Variants in TAFA5 observed in about 807,000 individuals in gnomAD.
TAFA5 encodes chemokine-like protein TAFA-5.
In TAFA5, 6 loss-of-function variants were observed where a neutral mutation model predicts 15.3. That is an observed-to-expected ratio of 0.39 (90% CI 0.21 to 0.77). The LOEUF is 0.77. Among genes scored for constraint, TAFA5 ranks in the 30% least tolerant of loss-of-function variants. TAFA5 has a pLI of 0.41. For missense variants in TAFA5, 161 were observed against 193.1 expected, an observed-to-expected ratio of 0.83 and a Z score of 0.98; for synonymous variants, 103 against 80.7, an observed-to-expected ratio of 1.28 and a Z score of -1.48.
At chr22:48,659,733 C>T (rs1003889255) in intron 2 of TAFA5, among the ~76,000 whole-genome samples, 26 of 134,686 alleles carry the variant, frequency 1.9e-4, no homozygotes, top group Middle Eastern at 3.7e-3. Context: ...GCCTCCGTCC[C>T]TGGCCTTTTT....
At chr22:48,605,142 T>C in intron 1 of TAFA5, among the ~76,000 whole-genome samples, 2 of 149,262 alleles carry the variant, frequency 1.3e-5, no homozygotes, top group African/African-American at 2.5e-5. Context: ...ATGGTGATGG[T>C]GATGATGGTT....
At chr22:48,614,564 C>A (rs1051470197) in intron 1 of TAFA5, among the ~76,000 whole-genome samples, 1 of 152,204 alleles carries the variant, frequency 6.6e-6, no homozygotes, top group African/African-American at 2.4e-5. Context: ...CCCAGGGCTC[C>A]TTGCCTCGTG....
intron 2 of TAFA5, among the ~76,000 whole-genome samples, chr22:48,684,608 C>T (rs903754285): frequency 6.6e-6 from 1 of 152,160 alleles, no homozygotes; most frequent in African/African-American, 2.4e-5. Context: ...GCACCTTGGC[C>T]CCTTTCAGAT....
At chr22:48,640,629 C>T (rs1287153619) in intron 1 of TAFA5, among the ~76,000 whole-genome samples, 1 of 152,104 alleles carries the variant, frequency 6.6e-6, no homozygotes. Context: ...GGCGGGGGCT[C>T]CTAAGTGTGC....
chr22:48,711,442 G>C (rs952948810), intron 3 of TAFA5, among the ~76,000 whole-genome samples: 2 of 152,042 alleles, frequency 1.3e-5, no homozygotes, highest in Admixed American at 1.3e-4. Flanking sequence ...CAGGTATCTC[G>C]GGAGAAGTCT....
chr22:48,644,768 C>A (rs545195240), intron 1 of TAFA5, among the ~76,000 whole-genome samples: 5 of 152,302 alleles, frequency 3.3e-5, no homozygotes, highest in African/African-American at 9.6e-5. Flanking sequence ...GCTGTAGAAA[C>A]GGCTGCTGGA....
chr22:48,591,254 G>T (rs1601600465), intron 1 of TAFA5, among the ~76,000 whole-genome samples: 1 of 152,256 alleles, frequency 6.6e-6, no homozygotes, highest in Non-Finnish European at 1.5e-5. Context: ...TCTGGGATGG[G>T]CTGTGAGCCA....
chr22:48,744,762 T>C (rs1221809374), intron 3 of TAFA5, among the ~76,000 whole-genome samples: 2 of 152,152 alleles, frequency 1.3e-5, no homozygotes, highest in African/African-American at 2.4e-5. Context: ...TTTTTTCTTT[T>C]CTTTATTTTT....
intron 1 of TAFA5, among the ~76,000 whole-genome samples, chr22:48,579,713 C>G (rs1056986037): frequency 2.7e-4 from 41 of 152,236 alleles, no homozygotes; most frequent in African/African-American, 9.2e-4. Flanking sequence ...CACTCCAGCA[C>G]AGATGAGCAG....
chr22:48,610,849 CTG>C, intron 1 of TAFA5, among the ~76,000 whole-genome samples: 1 of 152,322 alleles, frequency 6.6e-6, no homozygotes, highest in Admixed American at 6.5e-5. Flanking sequence ...CCCTCCCAGA[CTG>C]TGGTGGGACA....
chr22:48,738,921 C>T (rs573705789), intron 3 of TAFA5, among the ~76,000 whole-genome samples: 54 of 152,312 alleles, frequency 3.5e-4, no homozygotes, highest in African/African-American at 1.3e-3. Flanking sequence ...GCATTGTCAC[C>T]GGCTCCTCCT....
At chr22:48,695,500 G>A (rs553993037) in intron 2 of TAFA5, among the ~76,000 whole-genome samples, 2 of 152,336 alleles carry the variant, frequency 1.3e-5, no homozygotes, top group Admixed American at 6.5e-5. Flanking sequence ...TGCCGTTCAT[G>A]AGCACCTCGG....
intron 1 of TAFA5, among the ~76,000 whole-genome samples, chr22:48,624,547 C>T (rs4925426): frequency 0.57 from 86,262 of 151,988 alleles, 25,302 homozygotes; most frequent in East Asian, 0.87. Flanking sequence ...CTGATAGATG[C>T]GTTTGTCCTT....
chr22:48,646,836 G>A (rs1350990149), intron 2 of TAFA5, 90 bp downstream of exon 2: 4 of 1,449,080 alleles, frequency 2.8e-6, no homozygotes, highest in South Asian at 2.7e-5. Context: ...TTACCTGAAG[G>A]TCCCCCTAGG....
In TAFA5 at chr22:48,673,756, G is replaced by T. The variant is rs76692798; in HGVS notation, c.262+27010G>T. 1.0e-2 allele frequency among the ~76,000 whole-genome samples: 1,517 copies of T among 152,318 alleles called. 28 individuals are homozygous for T. The highest frequency in any genetic ancestry group is 0.035 in the African/African-American group (1,450 of 41,566). The stretch of plus-strand genomic sequence containing the variant: ...TGGAAGGTGAAGGTGCATGGGGCCA[G>T]GTTATTTTTGGCTCTGATGTCCACT... On this transcript the variant is annotated intron_variant, in intron 2 of 3. Transcript: ENST00000402357.
chr22:48,577,356 C>T (rs1341323292), intron 1 of TAFA5, among the ~76,000 whole-genome samples: 1 of 152,180 alleles, frequency 6.6e-6, no homozygotes, highest in Non-Finnish European at 1.5e-5. Flanking sequence ...GGTTTCAGGG[C>T]CAGGCTCCCT....
chr22:48,697,951 G>T (rs111174476), intron 2 of TAFA5, among the ~76,000 whole-genome samples: 22,374 of 150,910 alleles, frequency 0.15, 2,177 homozygotes, highest in Non-Finnish European at 0.22. Flanking sequence ...TGATGGTGAG[G>T]ATGATGATGG....
At chr22:48,620,622 A>ACCATCCCCCATCCTATCCACCCACCCC (rs1925770123) in intron 1 of TAFA5, among the ~76,000 whole-genome samples, 1 of 82,092 alleles carries the variant, frequency 1.2e-5, no homozygotes, top group African/African-American at 4.8e-5. Context: ...CCACCCACCC[A>ACCATCCCCCATCCTATCCACCCACCCC]CCATCCCCCA....
intron 1 of TAFA5, among the ~76,000 whole-genome samples, chr22:48,577,776 C>T (rs1351822479): frequency 6.6e-6 from 1 of 152,204 alleles, no homozygotes; most frequent in Non-Finnish European, 1.5e-5. Context: ...AGGGCCAGGT[C>T]TGAAGGGAGA....
Sources: allele counts gnomAD v4.1 joint callset (sites outside exome capture counted in the v4.1 genomes callset), GRCh38; gene constraint gnomAD v4.1.1; transcripts MANE v1.5; gene names NCBI Gene and HGNC (gene_info 2026-07-23, HGNC 2026-07-21).